Variants in ZNF268 observed in about 807,000 individuals in gnomAD.
ZNF268 encodes the protein zinc finger protein 3.
Under a neutral mutation model 29.3 loss-of-function variants are expected in ZNF268, and 20 were observed. The observed-to-expected ratio is 0.68, with a 90% CI of 0.48 to 0.99. The LOEUF is 0.99. ZNF268 is among the 50% of genes least tolerant of loss of function. ZNF268 has a pLI of 0.00. For synonymous variants in ZNF268, 429 were observed against 376.9 expected (o/e 1.14, Z -1.60); for missense variants, 1,240 against 1,121.6 (o/e 1.11, Z -1.51).
chr12:133,185,749 C>G (rs961546845), intron 2 of ZNF268, among the ~76,000 whole-genome samples: 1 of 152,028 alleles, frequency 6.6e-6, no homozygotes, highest in South Asian at 2.1e-4. Context: ...GAGGGGGAAG[C>G]CAGAGACTGA....
At chr12:133,188,616 GT>G (rs1369692675) in intron 3 of ZNF268, among the ~76,000 whole-genome samples, 2 of 151,924 alleles carry the variant, frequency 1.3e-5, no homozygotes, top group Non-Finnish European at 2.9e-5. Flanking sequence ...GTTATTTTGT[GT>G]TTTATGTGTA....
chr12:133,198,697 T>C (rs9669195), intron 5 of ZNF268, among the ~76,000 whole-genome samples: 91,894 of 148,686 alleles, frequency 0.62, 29,822 homozygotes, highest in African/African-American at 0.79. Context: ...TGTTTGTATC[T>C]TCTTTTATTT....
chr12:133,208,377 T>G lies in ZNF268; in HGVS notation c.*3847T>G, dbSNP rs1593943574. The G allele has an allele frequency of 6.6e-6, 1 of 152,220 alleles. No homozygotes were observed. Among genetic ancestry groups the G allele is most frequent in the Non-Finnish European group, 1.5e-5 (1 of 68,090 alleles). 9.4% of individuals were successfully genotyped at this position (152,220 alleles called of 1,614,324 possible). ...CAGGTGTGGTGGCACGTGCCTGTAATCCCATCTACTCGGGAGGCTGAGGCA... is the reference window on the plus strand; with the variant it reads ...CAGGTGTGGTGGCACGTGCCTGTAAGCCCATCTACTCGGGAGGCTGAGGCA... On this transcript the variant is annotated 3_prime_UTR_variant, in exon 6 of 6. Coordinates refer to ENST00000536435, the MANE Select transcript of ZNF268 (RefSeq NM_003415.3).
rs1313552026 is a variant in ZNF268, at chr12:133,205,158, AAAAAAAAAAAAAAAAC to A, written c.*629_*644del. ...AAGCTTCATTCTAAAAAAAAAAAAA[AAAAAAAAAAAAAAAAC>A]CAACCTGTTATTATATCTTAATATT... On this transcript the variant is annotated 3_prime_UTR_variant, in exon 6 of 6. Transcript: ENST00000536435. 23 of 138,986 alleles carry A rather than the reference AAAAAAAAAAAAAAAAC, an allele frequency of 1.7e-4. 2 individuals are homozygous for A. Among genetic ancestry groups the A allele is most frequent in the African/African-American group, 5.4e-4 (21 of 39,194 alleles). 8.6% of individuals were successfully genotyped at this position (138,986 alleles called of 1,614,324 possible).
rs1957033275 is a variant in ZNF268, at chr12:133,214,795, G to A, written c.*10265G>A. 6.6e-6 allele frequency: 1 copy of A among 152,198 alleles called. No individual in the cohort carries two copies. Among genetic ancestry groups the A allele is most frequent in the Non-Finnish European group, 1.5e-5 (1 of 68,030 alleles). 9.4% of individuals were successfully genotyped at this position (152,198 alleles called of 1,614,324 possible). On this transcript the variant is annotated 3_prime_UTR_variant, in exon 6 of 6. Coordinates refer to ENST00000536435, the MANE Select transcript of ZNF268 (RefSeq NM_003415.3). ...TTTTTAAAAGTTAATTTTATATTGT[G>A]TAAATTTTACCTCAATAAAAAAATC...
intron 2 of ZNF268, among the ~76,000 whole-genome samples, chr12:133,185,582 A>C (rs762194700): frequency 6.6e-6 from 1 of 152,214 alleles, no homozygotes; most frequent in Non-Finnish European, 1.5e-5. Flanking sequence ...GCAGATGAAC[A>C]CAGGTGCAGA....
At chr12:133,191,335 AAG>A in intron 3 of ZNF268, 152 bp from the exon 4 acceptor site, 1 of 823,612 alleles carries the variant, frequency 1.2e-6, no homozygotes, top group South Asian at 1.8e-5. Context: ...AAAAAAAAGA[AAG>A]AAAGATGACT....
intron 2 of ZNF268, among the ~76,000 whole-genome samples, chr12:133,186,166 G>A (rs1298833066): frequency 6.6e-6 from 1 of 152,138 alleles, no homozygotes; most frequent in Non-Finnish European, 1.5e-5. Flanking sequence ...CCTGGTCAAT[G>A]TAGAGCCAGG....
At chr12:133,200,187 A>C (rs888789685) in intron 5 of ZNF268, among the ~76,000 whole-genome samples, 10 of 152,146 alleles carry the variant, frequency 6.6e-5, no homozygotes, top group African/African-American at 2.2e-4. Flanking sequence ...TTCCCTCTAC[A>C]CACTGCTTTG....
In ZNF268 at chr12:133,202,722, CAGCT is replaced by C. The variant is rs759639459; in HGVS notation, c.1037_1040del (p.Gln346LeufsTer53). On this transcript the variant is annotated frameshift_variant, in exon 6 of 6. Coordinates refer to ENST00000536435, the MANE Select transcript of ZNF268 (RefSeq NM_003415.3). LOFTEE classifies it low-confidence loss of function (END_TRUNC). ...CAGGAAAACATTCAGTTTCCATTCA[CAGCT>C]TGTTATACATCAGAGAATTCACACA... is the stretch of plus-strand genomic sequence containing the variant. 3 of 1,611,718 alleles carry C rather than the reference CAGCT, an allele frequency of 1.9e-6. No homozygotes were observed. The highest frequency in any genetic ancestry group is 4.5e-5 in the East Asian group (2 of 44,832).
At chr12:133,188,503 CCTTTTAT>C (rs1451380693) in intron 3 of ZNF268, among the ~76,000 whole-genome samples, 1 of 152,008 alleles carries the variant, frequency 6.6e-6, no homozygotes, top group African/African-American at 2.4e-5. Flanking sequence ...GGCCCATGGC[CCTTTTAT>C]CATCATTGGT....
Position 133,202,472 on chromosome 12 carries a change from G to T in ZNF268, c.786G>T (p.Ser262=). The T allele has an allele frequency of 6.2e-7, 1 of 1,611,882 alleles. No homozygotes were observed. Among genetic ancestry groups the T allele is most frequent in the South Asian group, 1.1e-5 (1 of 90,854 alleles). Reference sequence around the variant, plus strand: ...CTGGAAAAACCGTCAATAAGAAATCGCAACTTATGTGCCAACAAATGTATA... The same window carrying T: ...CTGGAAAAACCGTCAATAAGAAATCTCAACTTATGTGCCAACAAATGTATA... ...IESGKTVNKK[S]QLMCQQMYMG... is the part of the protein sequence containing the mutation. Residue 262 remains serine (S), a synonymous_variant, in exon 6 of 6, where the codon TCG becomes TCT. Transcript: ENST00000536435.
rs1383400275 is a variant in ZNF268, at chr12:133,203,353, A to G, written c.1667A>G (p.Tyr556Cys). ...AGGATTCATACAGGAGAGAACCCCT[A>G]TGAATGCCATGAATGTGGGAAAGCC... ...HQRIHTGENP[Y>C]ECHECGKAFS... Residue 556 changes from tyrosine (Y) to cysteine (C), a missense_variant, in exon 6 of 6, where the codon TAT becomes TGT. By Grantham distance (194) the Tyr-to-Cys change is radical (BLOSUM62 -2). Coordinates refer to ENST00000536435, the MANE Select transcript of ZNF268 (RefSeq NM_003415.3). The G allele has an allele frequency of 4.5e-6, 7 of 1,547,900 alleles. No individual in the cohort carries two copies. The highest frequency in any genetic ancestry group is 3.5e-5 in the South Asian group (3 of 84,594).
intron 5 of ZNF268, among the ~76,000 whole-genome samples, chr12:133,200,715 A>G (rs1956733027): frequency 6.6e-6 from 1 of 152,036 alleles, no homozygotes; most frequent in African/African-American, 2.4e-5. Context: ...TTGTGTTCAC[A>G]AAGCTGTTTG....
intron 2 of ZNF268, among the ~76,000 whole-genome samples, chr12:133,186,125 A>G (rs1956308117): frequency 6.6e-6 from 1 of 152,138 alleles, no homozygotes; most frequent in South Asian, 2.1e-4. Flanking sequence ...ACTGAGGTCC[A>G]GAAAGGGCTA....
chr12:133,187,488 C>G (rs1238099323), intron 2 of ZNF268, among the ~76,000 whole-genome samples: 2 of 151,962 alleles, frequency 1.3e-5, no homozygotes, highest in African/African-American at 4.8e-5. Context: ...TCTGTCAGAG[C>G]CTCGTTTGGT....
rs200697386 is a variant in ZNF268, at chr12:133,208,881, A to ACC, written c.*4357_*4358dup. The ACC allele has an allele frequency of 7.4e-5, 5 of 67,694 alleles. No individual in the cohort carries two copies. Among genetic ancestry groups the ACC allele is most frequent in the Admixed American group, 1.9e-4 (1 of 5,300 alleles). 4.2% of individuals were successfully genotyped at this position (67,694 alleles called of 1,614,324 possible). A position where few individuals can be genotyped will look rare whatever the true frequency, so the allele number is the denominator to read the frequency against. On this transcript the variant is annotated 3_prime_UTR_variant, in exon 6 of 6. Coordinates refer to ENST00000536435, the MANE Select transcript of ZNF268 (RefSeq NM_003415.3). ...ATGCAGTTGTCAGTATTCATGGAGGACCCCCCCGCAACCACAGATACTCCC... is the reference window on the plus strand; with the variant it reads ...ATGCAGTTGTCAGTATTCATGGAGGACCCCCCCCCGCAACCACAGATACTCCC...
chr12:133,191,932 T>A lies in ZNF268; in HGVS notation c.386T>A (p.Ile129Asn), dbSNP rs201567388. ...SLGYQHTKPD[I>N]IFKLEQGEEL... ...GGGTACCAACACACCAAACCTGATA[T>A]CATCTTCAAGTTGGAACAAGGAGAA... The change falls in exon 5 of 6, where the codon ATC becomes AAC. Residue 129 changes from isoleucine (I) to asparagine (N), a missense_variant. Transcript: ENST00000536435. The A allele has an allele frequency of 9.3e-6, 15 of 1,613,990 alleles. No homozygotes were observed. In the East Asian group the frequency reaches 2.2e-4, roughly 24 times the overall value.
chr12:133,210,647 G>T lies in ZNF268; in HGVS notation c.*6117G>T. Reference sequence around the variant, plus strand: ...GGTCATCACTGTGAAGTGCCCTCGGGGGTCTCCGGGTCCTGAGTAGAAGCA... The same window carrying T: ...GGTCATCACTGTGAAGTGCCCTCGGTGGTCTCCGGGTCCTGAGTAGAAGCA... On this transcript the variant is annotated 3_prime_UTR_variant, in exon 6 of 6. Coordinates refer to ENST00000536435, the MANE Select transcript of ZNF268 (RefSeq NM_003415.3). 2.8e-6 allele frequency: 1 copy of T among 351,720 alleles called. No individual in the cohort carries two copies. Among genetic ancestry groups the T allele is most frequent in the Admixed American group, 3.7e-5 (1 of 26,922 alleles). The allele number at this position is 351,720 out of a possible 1,614,324, so 21.8% of individuals were successfully genotyped here.
Sources: allele counts gnomAD v4.1 joint callset (sites outside exome capture counted in the v4.1 genomes callset), GRCh38; gene constraint gnomAD v4.1.1; transcripts MANE v1.5; gene names NCBI Gene and HGNC (gene_info 2026-07-23, HGNC 2026-07-21).